MED12L: variants seen among roughly 807,000 people sequenced by gnomAD.
MED12L encodes mediator complex subunit 12L.
Under a neutral mutation model 281.3 loss-of-function variants are expected in MED12L, and 60 were observed. The ratio of observed to expected loss-of-function variants is 0.21; its 90% CI spans 0.17 to 0.26. The LOEUF (loss-of-function observed/expected upper bound fraction) is 0.26, where lower values mean the gene tolerates loss of function less well. Ranked by LOEUF, MED12L falls within the 10% of genes least tolerant of loss-of-function variation. MED12L has a pLI of 1.00. For synonymous variants in MED12L, 974 were observed against 987.2 expected (o/e 0.99, Z 0.25); for missense variants, 2,146 against 2,680.9 (o/e 0.80, Z 4.41).
At chr3:151,415,488 C>CT (rs1301518583) in intron 42 of MED12L, among the ~76,000 whole-genome samples, 3 of 152,196 alleles carry the variant, frequency 2.0e-5, no homozygotes, top group African/African-American at 7.2e-5. Context: ...AGCATTGTCA[C>CT]TTAGTGAGAC....
chr3:151,194,994 A>C (rs533901495), intron 16 of MED12L, among the ~76,000 whole-genome samples: 59 of 152,176 alleles, frequency 3.9e-4, no homozygotes, highest in African/African-American at 1.2e-3. Flanking sequence ...GAAACCCCGT[A>C]TCTACTAAAA....
chr3:151,160,843 C>T (rs1315826592), intron 8 of MED12L, among the ~76,000 whole-genome samples: 1 of 152,180 alleles, frequency 6.6e-6, no homozygotes, highest in Non-Finnish European at 1.5e-5. Context: ...ACCTCTAGTC[C>T]AGCCTAAAAC....
At chr3:151,295,244 G>A in intron 16 of MED12L, 1 of 1,470,254 alleles carries the variant, frequency 6.8e-7, no homozygotes, top group South Asian at 1.2e-5. Context: ...GGACTTCAGT[G>A]CTTGGCAAGC....
At chr3:151,328,768 A>C (rs753351579) in intron 16 of MED12L, 2 of 1,613,862 alleles carry the variant, frequency 1.2e-6, no homozygotes, top group Non-Finnish European at 1.7e-6. Context: ...TTTTGAAAGG[A>C]AGCATGAGTG....
At chr3:151,423,573 C>T (rs575446067) in intron 43 of MED12L, among the ~76,000 whole-genome samples, 307 of 152,300 alleles carry the variant, frequency 2.0e-3, no homozygotes, top group Non-Finnish European at 2.9e-3. Flanking sequence ...GAAATAAAGA[C>T]ATGGGTACCC....
chr3:151,318,759 A>G (rs1371546558), intron 16 of MED12L, among the ~76,000 whole-genome samples: 1 of 152,170 alleles, frequency 6.6e-6, no homozygotes, highest in Non-Finnish European at 1.5e-5. Flanking sequence ...CCTACTGTGA[A>G]AGGGTTATCA....
chr3:151,265,808 T>A (rs1443400400), intron 16 of MED12L, among the ~76,000 whole-genome samples: 2 of 152,130 alleles, frequency 1.3e-5, no homozygotes, highest in East Asian at 3.9e-4. Flanking sequence ...TATAAAAAAA[T>A]TTCTCCCTGC....
intron 16 of MED12L, chr3:151,316,319 A>G (rs1294053578): frequency 6.7e-6 from 1 of 149,302 alleles, no homozygotes; most frequent in East Asian, 1.9e-4. Flanking sequence ...AATGTGGTTT[A>G]AAAAAAAATG....
At chr3:151,316,364 T>A (rs1748235211) in intron 16 of MED12L, 1 of 152,218 alleles carries the variant, frequency 6.6e-6, no homozygotes, top group Non-Finnish European at 1.5e-5. Context: ...ACATTGTTTC[T>A]ACTTTTGAAG....
rs796856251 is a variant in MED12L, at chr3:151,272,379, T to C, written c.2251-77680T>C. ...TTTTCTACTCAGTATATCATTCCCA[T>C]AGTTATCAGTCTATCATTTCCCATA... On this transcript the variant is annotated intron_variant, in intron 16 of 44. Coordinates refer to ENST00000687756, the MANE Select transcript of MED12L (RefSeq NM_001393769.1). Among the ~76,000 whole-genome samples, 15 of 152,352 alleles carry C rather than the reference T, an allele frequency of 9.8e-5. No homozygotes were observed. The South Asian group carries it at 1.2e-3, about 13-fold the overall frequency.
At chr3:151,402,490 A>G (rs1395781700) in intron 39 of MED12L, among the ~76,000 whole-genome samples, 1 of 152,218 alleles carries the variant, frequency 6.6e-6, no homozygotes, top group East Asian at 1.9e-4. Flanking sequence ...TCCTTCAAGA[A>G]CATATGGCCT....
At position 151,355,996 on chromosome 3, in the gene MED12L, A is replaced by C; in HGVS notation, c.2618A>C (p.Glu873Ala). Residue 873 changes from glutamate to alanine, a missense_variant, in exon 19 of 45, where the codon GAG becomes GCG. Glu to Ala is a moderately radical substitution (Grantham distance 107). Transcript: ENST00000687756. Reference sequence around the variant, plus strand: ...ATTCAGCTCATCTTTGATCTCATGGAGCCAGCACTGAACATCAACGGACTA... The same window carrying C: ...ATTCAGCTCATCTTTGATCTCATGGCGCCAGCACTGAACATCAACGGACTA... ...HHIQLIFDLM[E>A]PALNINGLID... is the part of the protein sequence containing the mutation. The C allele has an allele frequency of 6.2e-7, 1 of 1,614,018 alleles. No individual in the cohort carries two copies. The highest frequency in any genetic ancestry group is 8.5e-7 in the Non-Finnish European group (1 of 1,179,992).
At chr3:151,178,556 T>G (rs974544415) in intron 11 of MED12L, among the ~76,000 whole-genome samples, 5 of 152,206 alleles carry the variant, frequency 3.3e-5, no homozygotes, top group Admixed American at 2.0e-4. Context: ...CAGGTTCTTT[T>G]GACACACAGG....
intron 43 of MED12L, among the ~76,000 whole-genome samples, chr3:151,427,567 GTGTT>G (rs1033272639): frequency 6.6e-5 from 10 of 152,204 alleles, no homozygotes; most frequent in Non-Finnish European, 1.5e-4. Context: ...AGGCAGCTAT[GTGTT>G]TGTTGAGTGA....
chr3:151,383,670 A>G, intron 33 of MED12L, 109 bp from the exon 34 acceptor site: 2 of 657,814 alleles, frequency 3.0e-6, no homozygotes, highest in Non-Finnish European at 5.3e-6. Context: ...AAACTAGAGC[A>G]TCCCTTGTTT....
At chr3:151,371,379 G>A (rs1756165183) in intron 26 of MED12L, among the ~76,000 whole-genome samples, 1 of 152,170 alleles carries the variant, frequency 6.6e-6, no homozygotes, top group Non-Finnish European at 1.5e-5. Flanking sequence ...GCAGAATTTA[G>A]TCTTTTCTTT....
intron 39 of MED12L, among the ~76,000 whole-genome samples, chr3:151,399,896 C>T (rs1423630306): frequency 2.0e-5 from 3 of 151,806 alleles, no homozygotes; most frequent in Admixed American, 6.6e-5. Context: ...GCCTAATCTC[C>T]GCTCATTGCA....
intron 16 of MED12L, among the ~76,000 whole-genome samples, chr3:151,262,398 A>G (rs1480055290): frequency 6.6e-6 from 1 of 152,240 alleles, no homozygotes; most frequent in African/African-American, 2.4e-5. Flanking sequence ...ATCTCCAGAC[A>G]TTAATGCTGG....
At chr3:151,211,761 C>T (rs757884696) in intron 16 of MED12L, among the ~76,000 whole-genome samples, 34 of 152,218 alleles carry the variant, frequency 2.2e-4, no homozygotes, top group Non-Finnish European at 5.9e-5. Context: ...GATCATCCCA[C>T]CTCAGTCTCC....
Sources: gnomAD v4.1 joint callset for allele counts (sites outside exome capture counted in the v4.1 genomes callset) on GRCh38, gnomAD v4.1.1 for gene constraint, MANE v1.5 for transcripts, NCBI Gene and HGNC (gene_info 2026-07-23, HGNC 2026-07-21) for gene names.